The following STK32B variants were observed in gnomAD, a reference collection of about 807,000 sequenced individuals.
The protein encoded by STK32B is serine/threonine-protein kinase 32B.
In STK32B, 43 loss-of-function variants were observed where a neutral mutation model predicts 52.6. The ratio of observed to expected loss-of-function variants is 0.82; its 90% CI spans 0.64 to 1.05. The LOEUF is 1.05. STK32B is among the 50% of genes least tolerant of loss of function. STK32B has a pLI of 0.00. For synonymous variants in STK32B, 238 were observed against 204.3 expected, an observed-to-expected ratio of 1.17 and a Z score of -1.41; for missense variants, 621 against 534.6, an observed-to-expected ratio of 1.16 and a Z score of -1.59.
intron 3 of STK32B, among the ~76,000 whole-genome samples, chr4:5,329,251 C>T (rs900377533): frequency 2.6e-5 from 4 of 152,098 alleles, no homozygotes; most frequent in Non-Finnish European, 5.9e-5. Flanking sequence ...CATTCCATCC[C>T]GTGAGGTTTG....
At chr4:5,104,113 C>T (rs561875706) in intron 1 of STK32B, among the ~76,000 whole-genome samples, 1 of 152,228 alleles carries the variant, frequency 6.6e-6, no homozygotes, top group Admixed American at 6.5e-5. Context: ...TGTCCCCACC[C>T]AAATTTCATC....
chr4:5,480,328 G>A (rs1718589218), intron 11 of STK32B, among the ~76,000 whole-genome samples: 1 of 152,282 alleles, frequency 6.6e-6, no homozygotes, highest in African/African-American at 2.4e-5. Context: ...ACATATATGT[G>A]CCCAAGGTGG....
intron 11 of STK32B, among the ~76,000 whole-genome samples, chr4:5,495,793 C>G (rs1266723823): frequency 6.6e-6 from 1 of 152,226 alleles, no homozygotes; most frequent in African/African-American, 2.4e-5. Context: ...TTCCTTCTAA[C>G]AGACAGGACC....
intron 5 of STK32B, among the ~76,000 whole-genome samples, chr4:5,411,510 T>C (rs1711675138): frequency 6.6e-6 from 1 of 152,250 alleles, no homozygotes; most frequent in South Asian, 2.1e-4. Context: ...TTGCATAGCC[T>C]TTCCATTGTA....
intron 3 of STK32B, among the ~76,000 whole-genome samples, chr4:5,194,499 C>T (rs1530612): frequency 0.017 from 2,605 of 152,188 alleles, 55 homozygotes; most frequent in African/African-American, 0.058. Flanking sequence ...GATATATTAC[C>T]CCATAACATG....
rs564162588 is a variant in STK32B at position 5,343,415 on chromosome 4, A to G, written c.434+12022A>G. On this transcript the variant is annotated intron_variant, in intron 4 of 11. Coordinates refer to ENST00000282908, the MANE Select transcript of STK32B (RefSeq NM_018401.3). ...GAATAGTGCCGCAGTAAACATACGT[A>G]TGCATGTGTCTTTATAGTAGCATGA... 4.2e-3 allele frequency among the ~76,000 whole-genome samples: 632 copies of G among 152,216 alleles called. 4 individuals carry two copies. The highest frequency in any genetic ancestry group is 0.015 in the African/African-American group (604 of 41,532).
intron 1 of STK32B, among the ~76,000 whole-genome samples, chr4:5,080,758 A>G (rs1363783039): frequency 1.3e-5 from 2 of 152,158 alleles, no homozygotes; most frequent in Non-Finnish European, 2.9e-5. Flanking sequence ...ATTAACATAT[A>G]TATCGCCTTA....
chr4:5,100,663 TCTTTCTTTCTTTCCTTTCTTA>T (rs761963259), intron 1 of STK32B, among the ~76,000 whole-genome samples: 22,528 of 104,032 alleles, frequency 0.22, 2,235 homozygotes, highest in East Asian at 0.27. Context: ...TCTCTTTCAT[TCTTTCTTTCTTTCCTTTCTTA>T]CTTTCTTTCT....
rs547672508 is a variant in STK32B at position 5,334,815 on chromosome 4, T to A, written c.434+3422T>A. Among the ~76,000 whole-genome samples, 1,257 of 151,944 alleles carry A rather than the reference T, an allele frequency of 8.3e-3. 12 individuals are homozygous for A. Among genetic ancestry groups the A allele is most frequent in the African/African-American group, 0.029 (1,208 of 41,336 alleles). ...CGTATATTGAACCAGCCTTGCATCC[T>A]GGGGATGAAGCCCACTTGATCATGG... On this transcript the variant is annotated intron_variant, in intron 4 of 11. Coordinates refer to ENST00000282908, the MANE Select transcript of STK32B (RefSeq NM_018401.3).
chr4:5,125,167 C>T (rs996347029), intron 1 of STK32B, among the ~76,000 whole-genome samples: 1 of 152,016 alleles, frequency 6.6e-6, no homozygotes, highest in Non-Finnish European at 1.5e-5. Flanking sequence ...GAAGCAGATT[C>T]TTCCCCAGAT....
intron 1 of STK32B, among the ~76,000 whole-genome samples, chr4:5,112,841 C>T (rs563236959): frequency 6.6e-6 from 1 of 152,202 alleles, no homozygotes; most frequent in African/African-American, 2.4e-5. Context: ...GCTTGGCTTG[C>T]TGTGGGGGTT....
rs867762690 is a variant in STK32B, at chr4:5,105,806, A to G, written c.53-34099A>G. 3.7e-4 allele frequency among the ~76,000 whole-genome samples: 56 copies of G among 151,264 alleles called. 1 individual carries two copies. The highest frequency in any genetic ancestry group is 2.0e-4 in the East Asian group (1 of 5,042). ...TCTCGATCTCCTGACCTAGTGATCCACCCGCCTCGGCCACCCAAAGTGCTG... is the reference window on the plus strand; with the variant it reads ...TCTCGATCTCCTGACCTAGTGATCCGCCCGCCTCGGCCACCCAAAGTGCTG... On this transcript the variant is annotated intron_variant, in intron 1 of 11. Transcript: ENST00000282908.
chr4:5,372,040 C>T (rs1187880647), intron 4 of STK32B, among the ~76,000 whole-genome samples: 1 of 152,228 alleles, frequency 6.6e-6, no homozygotes, highest in Admixed American at 6.5e-5. Context: ...GCATTGGTCA[C>T]ACTCATGCCT....
the STK32B span, among the ~76,000 whole-genome samples, chr4:5,022,416 G>A: frequency 6.6e-6 from 1 of 152,170 alleles, no homozygotes; most frequent in Non-Finnish European, 1.5e-5. Context: ...CGCCGCACTG[G>A]ATACAGGCTG....
At chr4:5,230,523 A>G (rs1724193054) in intron 3 of STK32B, among the ~76,000 whole-genome samples, 1 of 152,104 alleles carries the variant, frequency 6.6e-6, no homozygotes, top group Non-Finnish European at 1.5e-5. Flanking sequence ...GTCCTATGTC[A>G]TGTGGCCTGT....
intron 4 of STK32B, among the ~76,000 whole-genome samples, chr4:5,389,515 C>T (rs1301122910): frequency 1.3e-5 from 2 of 152,154 alleles, no homozygotes; most frequent in Admixed American, 1.3e-4. Flanking sequence ...CCCATGCATC[C>T]TACTCTCCTC....
At chr4:5,138,974 C>T (rs1386625123) in intron 1 of STK32B, among the ~76,000 whole-genome samples, 1 of 152,082 alleles carries the variant, frequency 6.6e-6, no homozygotes, top group Non-Finnish European at 1.5e-5. Flanking sequence ...ATGGAGGGGA[C>T]ATCGGAGGGG....
intron 11 of STK32B, among the ~76,000 whole-genome samples, chr4:5,479,750 A>G (rs2109194629): frequency 6.6e-6 from 1 of 152,174 alleles, no homozygotes; most frequent in African/African-American, 2.4e-5. Flanking sequence ...CTCTTTCAAT[A>G]TCCACCCCCC....
chr4:5,244,231 C>A (rs1217010104), intron 3 of STK32B, among the ~76,000 whole-genome samples: 5 of 151,732 alleles, frequency 3.3e-5, no homozygotes, highest in East Asian at 1.9e-4. Context: ...GGTTGGTAAG[C>A]TATTATTGCC....
Sources: gnomAD v4.1 joint callset for allele counts (sites outside exome capture counted in the v4.1 genomes callset) on GRCh38, gnomAD v4.1.1 for gene constraint, MANE v1.5 for transcripts, NCBI Gene and HGNC (gene_info 2026-07-23, HGNC 2026-07-21) for gene names.